TRIM6: variants seen among roughly 807,000 people sequenced by gnomAD.
TRIM6 encodes tripartite motif containing 6, also known as tripartite motif-containing protein 6.
Under a neutral mutation model 51.2 loss-of-function variants are expected in TRIM6, and 43 were observed. That is an observed-to-expected ratio of 0.84 (90% CI 0.66 to 1.08). The LOEUF (loss-of-function observed/expected upper bound fraction) is 1.08, where lower values mean the gene tolerates loss of function less well. TRIM6 is among the 50% of genes least tolerant of loss of function. The pLI is 0.00. For missense variants in TRIM6, 669 were observed against 619.0 expected (o/e 1.08, Z -0.86); for synonymous variants, 215 against 232.4 (o/e 0.93, Z 0.68).
intron 1 of TRIM6, among the ~76,000 whole-genome samples, chr11:5,599,257 T>G (rs1847670349): frequency 6.6e-6 from 1 of 152,310 alleles, no homozygotes; most frequent in South Asian, 2.1e-4. Context: ...GAGGCAGTAG[T>G]TCTCCTTCAA....
At chr11:5,607,506 C>T (rs147695773) in intron 4 of TRIM6, among the ~76,000 whole-genome samples, 5 of 152,210 alleles carry the variant, frequency 3.3e-5, no homozygotes, top group African/African-American at 4.8e-5. Context: ...AGCTTTTCTT[C>T]GGGGTCATTG....
intron 5 of TRIM6, 104 bp downstream of exon 5, chr11:5,608,498 A>G (rs536788209): frequency 6.4e-7 from 1 of 1,552,052 alleles, no homozygotes; most frequent in Admixed American, 1.8e-5. Context: ...GGAAGATTCA[A>G]GAGAGTAGTC....
intron 6 of TRIM6, 123 bp downstream of exon 6, chr11:5,610,368 A>C (rs767871199): frequency 3.2e-6 from 5 of 1,563,928 alleles, no homozygotes; most frequent in Non-Finnish European, 4.4e-6. Flanking sequence ...AGAGGGAGGG[A>C]CATAGTGTGC....
chr11:5,612,496 T>C lies in TRIM6; in HGVS notation c.*1154T>C, dbSNP rs1374745989. On this transcript the variant is annotated 3_prime_UTR_variant, in exon 8 of 8. Coordinates refer to ENST00000380097, the MANE Select transcript of TRIM6 (RefSeq NM_001003818.3). ...AGAAAAACAATCCAATACATATTTT[T>C]CTCTCAGAATAGAAAGAAAACACAA... The C allele has an allele frequency of 6.6e-6, 1 of 152,208 alleles. No homozygotes were observed. The highest frequency in any genetic ancestry group is 1.5e-5 in the Non-Finnish European group (1 of 68,046). 9.4% of individuals were successfully genotyped at this position (152,208 alleles called of 1,614,324 possible). A position where few individuals can be genotyped will look rare whatever the true frequency, so the allele number is the denominator to read the frequency against.
chr11:5,611,443 T>C lies in TRIM6; in HGVS notation c.*101T>C. The C allele has an allele frequency of 8.9e-7, 1 of 1,120,762 alleles. No individual in the cohort carries two copies. Among genetic ancestry groups the C allele is most frequent in the East Asian group, 2.4e-5 (1 of 42,368 alleles). 69.4% of individuals were successfully genotyped at this position (1,120,762 alleles called of 1,614,324 possible). A position where few individuals can be genotyped will look rare whatever the true frequency, so the allele number is the denominator to read the frequency against. On this transcript the variant is annotated 3_prime_UTR_variant, in exon 8 of 8. Coordinates refer to ENST00000380097, the MANE Select transcript of TRIM6 (RefSeq NM_001003818.3). ...TGTTTTTCTGTGTTCTCAATTCTTT[T>C]GTTGTTTTTTGGTTTTTGAATCTTT...
rs1056285180 is a variant in TRIM6 at position 5,610,669 on chromosome 11, C to A, written c.985+108C>A. 3 of 1,567,088 alleles carry A rather than the reference C, an allele frequency of 1.9e-6. No individual in the cohort carries two copies. In the South Asian group the frequency reaches 3.6e-5, roughly 19 times the overall value. The stretch of plus-strand genomic sequence containing the variant: ...CTAGGTGTTGATGCCTCCCCCATCC[C>A]CGCCATATAGTTCCAGTTCCTCCAA... On this transcript the variant is annotated intron_variant, in intron 7 of 7. Coordinates refer to ENST00000380097, the MANE Select transcript of TRIM6 (RefSeq NM_001003818.3).
rs1460820489 is a variant in TRIM6 at position 5,611,192 on chromosome 11, T to C, written c.1401T>C (p.Tyr467=). ...PPRRVGVFLD[Y]EAGTVSFYNV... ...GCCGTGTTGGGGTTTTCTTAGATTA[T>C]GAGGCTGGTACTGTCTCCTTTTATA... The change falls in exon 8 of 8, where the codon TAT becomes TAC. Residue 467 remains tyrosine, a synonymous_variant. Transcript: ENST00000380097. 3.1e-6 allele frequency: 5 copies of C among 1,614,052 alleles called. No homozygotes were observed. In the East Asian group the frequency reaches 8.9e-5, roughly 29 times the overall value.
intron 3 of TRIM6, chr11:5,604,934 G>T: frequency 2.3e-6 from 1 of 437,214 alleles, no homozygotes; most frequent in Non-Finnish European, 4.1e-6. Context: ...CTTGCATTCA[G>T]AGTACAAATG....
rs1848530514 is a variant in TRIM6 at position 5,610,777 on chromosome 11, T to C, written c.986T>C (p.Val329Ala). 10 of 1,613,902 alleles carry C rather than the reference T, an allele frequency of 6.2e-6. No individual in the cohort carries two copies. Among genetic ancestry groups the C allele is most frequent in the Non-Finnish European group, 8.5e-6 (10 of 1,179,854 alleles). Residue 329 changes from valine (V) to alanine (A), a missense_variant and splice_region_variant, in exon 8 of 8, where the codon GTT becomes GCT. Coordinates refer to ENST00000380097, the MANE Select transcript of TRIM6 (RefSeq NM_001003818.3). ...GCTGATGTTGTACCTTTTCCTACAGTTGACGTGACCCTGAATCCACACACA... is the reference window on the plus strand; with the variant it reads ...GCTGATGTTGTACCTTTTCCTACAGCTGACGTGACCCTGAATCCACACACA... ...RELTDVQSYW[V>A]DVTLNPHTAN...
At chr11:5,604,761 TC>T in intron 3 of TRIM6, 132 bp downstream of exon 3, 1 of 840,594 alleles carries the variant, frequency 1.2e-6, no homozygotes, top group Non-Finnish European at 1.8e-6. Flanking sequence ...TGCCTGGTCC[TC>T]CACTATATTC....
At chr11:5,603,195 T>C (rs1350708759) in intron 1 of TRIM6, 51 bp from the exon 2 acceptor site, 1 of 1,574,872 alleles carries the variant, frequency 6.3e-7, no homozygotes. Flanking sequence ...TATTCCCTTA[T>C]TCTCCCTCCT....
At chr11:5,599,552 C>T (rs1229772547) in intron 1 of TRIM6, among the ~76,000 whole-genome samples, 2 of 152,022 alleles carry the variant, frequency 1.3e-5, no homozygotes, top group African/African-American at 2.4e-5. Flanking sequence ...TACAGGCATC[C>T]GCCACTACAC....
In TRIM6 at chr11:5,610,161, C is replaced by G. The variant is rs933848710; in HGVS notation, c.874C>G (p.Leu292Val). 3 of 1,613,950 alleles carry G rather than the reference C, an allele frequency of 1.9e-6. No individual in the cohort carries two copies. Among genetic ancestry groups the G allele is most frequent in the Non-Finnish European group, 2.5e-6 (3 of 1,180,022 alleles). ...DVTERSEFWT[L>V]RKPEALPTKL... ...CCTTTCTAGGAGTGAGTTCTGGACC[C>G]TGAGGAAGCCAGAAGCTCTCCCTAC... The change falls in exon 6 of 8, where the codon CTG becomes GTG. Residue 292 changes from leucine to valine, a missense_variant. Physicochemically the swap from Leu to Val is conservative, Grantham distance 32 (BLOSUM62 1). Transcript: ENST00000380097.
intron 5 of TRIM6, among the ~76,000 whole-genome samples, chr11:5,609,711 A>G (rs1046384193): frequency 1.3e-5 from 2 of 152,170 alleles, no homozygotes; most frequent in Non-Finnish European, 2.9e-5. Flanking sequence ...TCACGAGGTC[A>G]GGAGATCAAA....
chr11:5,608,717 A>G (rs1354813614), intron 5 of TRIM6, among the ~76,000 whole-genome samples: 2 of 151,874 alleles, frequency 1.3e-5, no homozygotes, highest in African/African-American at 4.8e-5. Flanking sequence ...ATGAATAAAG[A>G]GTTGCAGTAT....
chr11:5,609,828 CAGG>C (rs1002831306), intron 5 of TRIM6, among the ~76,000 whole-genome samples: 11 of 152,142 alleles, frequency 7.2e-5, no homozygotes, highest in African/African-American at 2.7e-4. Context: ...AAGGCTGAGG[CAGG>C]AGAATCGCTT....
Position 5,611,958 on chromosome 11 carries a change from T to C in TRIM6, c.*616T>C, listed in dbSNP as rs1461300580. On this transcript the variant is annotated 3_prime_UTR_variant, in exon 8 of 8. Coordinates refer to ENST00000380097, the MANE Select transcript of TRIM6 (RefSeq NM_001003818.3). Reference sequence around the variant, plus strand: ...GATCTGTTAATTTACTACAAGTTTTTGTATAAAATGAAAACTCGTATTCTA... The same window carrying C: ...GATCTGTTAATTTACTACAAGTTTTCGTATAAAATGAAAACTCGTATTCTA... The C allele has an allele frequency of 6.6e-6, 1 of 152,236 alleles. No individual in the cohort carries two copies. Among genetic ancestry groups the C allele is most frequent in the Admixed American group, 6.5e-5 (1 of 15,280 alleles). The allele number at this position is 152,236 out of a possible 1,614,324, so 9.4% of individuals were successfully genotyped here.
Position 5,605,347 on chromosome 11 carries a change from A to G in TRIM6, c.614A>G (p.Glu205Gly). Reference protein sequence around the residue: ...EKKTSWKNQMEPERCRIQTEF... With the variant: ...EKKTSWKNQMGPERCRIQTEF... ...TCCCTGTTCCTGAAGAATCAGATGG[A>G]GCCTGAGAGATGCAGGATCCAGACA... is the stretch of plus-strand genomic sequence containing the variant. Residue 205 changes from glutamate to glycine, a missense_variant, in exon 4 of 8, where the codon GAG becomes GGG. Coordinates refer to ENST00000380097, the MANE Select transcript of TRIM6 (RefSeq NM_001003818.3). 1 of 1,614,112 alleles carries G rather than the reference A, an allele frequency of 6.2e-7. No individual in the cohort carries two copies. Among genetic ancestry groups the G allele is most frequent in the Non-Finnish European group, 8.5e-7 (1 of 1,180,038 alleles).
intron 1 of TRIM6, among the ~76,000 whole-genome samples, chr11:5,602,360 T>G (rs1030801502): frequency 1.3e-5 from 2 of 151,954 alleles, no homozygotes; most frequent in East Asian, 1.9e-4. Flanking sequence ...GGAGAATGGC[T>G]TGAACCCAGG....
Sources: allele counts gnomAD v4.1 joint callset (sites outside exome capture counted in the v4.1 genomes callset), GRCh38; gene constraint gnomAD v4.1.1; transcripts MANE v1.5; gene names NCBI Gene and HGNC (gene_info 2026-07-23, HGNC 2026-07-21).